The following MTDH variants were observed in gnomAD, a reference collection of about 807,000 sequenced individuals.
MTDH encodes the protein metadherin, also known as protein LYRIC.
In MTDH, 34 loss-of-function variants were observed where a neutral mutation model predicts 72.7. The observed-to-expected ratio is 0.47, with a 90% CI of 0.36 to 0.62. The LOEUF (loss-of-function observed/expected upper bound fraction) is 0.62. Ranked by LOEUF, MTDH falls within the 20% of genes least tolerant of loss-of-function variation. The pLI, the probability that MTDH is intolerant of heterozygous loss-of-function variation, is 0.00. For missense variants in MTDH, 677 were observed against 699.4 expected (o/e 0.97, Z 0.36); for synonymous variants, 266 against 268.9 (o/e 0.99, Z 0.10).
intron 9 of MTDH, among the ~76,000 whole-genome samples, chr8:97,715,362 C>T (rs981359141): frequency 1.2e-4 from 18 of 151,998 alleles, no homozygotes; most frequent in Admixed American, 3.9e-4. Context: ...GATCTGGCCT[C>T]GAGTGATCTT....
chr8:97,684,207 C>T (rs1287948088), intron 2 of MTDH, among the ~76,000 whole-genome samples: 5 of 149,696 alleles, frequency 3.3e-5, no homozygotes, highest in Non-Finnish European at 7.4e-5. Flanking sequence ...TGCCAGATTT[C>T]GAAGACTTAC....
intron 2 of MTDH, among the ~76,000 whole-genome samples, chr8:97,682,600 C>T (rs1813181131): frequency 6.6e-6 from 1 of 151,678 alleles, no homozygotes; most frequent in Non-Finnish European, 1.5e-5. Flanking sequence ...CGCACCTGGC[C>T]TTTTGTTAAT....
chr8:97,645,661 G>C (rs1010913119), intron 1 of MTDH, among the ~76,000 whole-genome samples: 4 of 152,134 alleles, frequency 2.6e-5, no homozygotes, highest in African/African-American at 7.2e-5. Flanking sequence ...GAGGAATTCA[G>C]GCACCGATTT....
In MTDH at chr8:97,719,046, T is replaced by C; in HGVS notation, c.1381-3T>C. 6.3e-7 allele frequency: 1 copy of C among 1,595,704 alleles called. No individual in the cohort carries two copies. Among genetic ancestry groups the C allele is most frequent in the Non-Finnish European group, 8.5e-7 (1 of 1,171,098 alleles). On this transcript the variant is annotated splice_polypyrimidine_tract_variant and splice_region_variant and intron_variant, in intron 9 of 11. Transcript: ENST00000336273. ...TAATCTAATAGGTTATTTTTCTCTATAGGACACAGAAGAATTAGAAAAAGA... is the reference window on the plus strand; with the variant it reads ...TAATCTAATAGGTTATTTTTCTCTACAGGACACAGAAGAATTAGAAAAAGA...
intron 1 of MTDH, 72 bp from the exon 2 acceptor site, chr8:97,661,000 T>C: frequency 1.7e-6 from 2 of 1,204,932 alleles, no homozygotes; most frequent in Non-Finnish European, 2.4e-6. Flanking sequence ...TATATATGGT[T>C]TCCTGCGTAT....
At chr8:97,698,859 T>C in intron 6 of MTDH, among the ~76,000 whole-genome samples, 1 of 152,212 alleles carries the variant, frequency 6.6e-6, no homozygotes, top group East Asian at 1.9e-4. Context: ...TTGAAATTTG[T>C]AGGCAGGGCA....
intron 2 of MTDH, among the ~76,000 whole-genome samples, chr8:97,678,436 AATC>A (rs1432891586): frequency 1.3e-5 from 2 of 152,298 alleles, no homozygotes; most frequent in Non-Finnish European, 2.9e-5. Flanking sequence ...TGAAGGTGAT[AATC>A]ATCTTTTATG....
chr8:97,705,980 T>G (rs1485535002), intron 7 of MTDH, among the ~76,000 whole-genome samples: 1 of 152,210 alleles, frequency 6.6e-6, no homozygotes, highest in Admixed American at 6.5e-5. Context: ...AATTTATTTT[T>G]GATAATAAAT....
chr8:97,644,621 G>A lies in MTDH; in HGVS notation c.115G>A (p.Asp39Asn), dbSNP rs912753616. Residue 39 changes from aspartate to asparagine, a missense_variant, in exon 1 of 12, where the codon GAC becomes AAC. Asp to Asn is a conservative substitution (Grantham distance 23). Around this residue, in one of 3 missense-constraint regions of MTDH, gnomAD observed 467 missense variants for 469.1 expected, o/e 1.00. Transcript: ENST00000336273. The stretch of plus-strand genomic sequence containing the variant: ...CTTTCTGCGCACCGAGCTGGGCCTC[G>A]ACCTGGGGCTGGAGCCGAAACGGTA... The part of the protein sequence containing the change: ...LGFLRTELGL[D>N]LGLEPKRYPG... 9 of 1,609,974 alleles carry A rather than the reference G, an allele frequency of 5.6e-6. No homozygotes were observed. In the African/African-American group the frequency reaches 1.2e-4, roughly 22 times the overall value.
chr8:97,712,450 G>A (rs1005450966), intron 8 of MTDH, among the ~76,000 whole-genome samples: 7 of 152,120 alleles, frequency 4.6e-5, no homozygotes, highest in Non-Finnish European at 1.0e-4. Context: ...ATATTCCATG[G>A]TCTGGATGTA....
rs531166802 is a variant in MTDH at position 97,670,511 on chromosome 8, C to A, written c.483+9338C>A. 4.5e-4 allele frequency among the ~76,000 whole-genome samples: 68 copies of A among 152,194 alleles called. No homozygotes were observed. The South Asian group carries it at 7.7e-3, about 17-fold the overall frequency. On this transcript the variant is annotated intron_variant, in intron 2 of 11. Coordinates refer to ENST00000336273, the MANE Select transcript of MTDH (RefSeq NM_178812.4). ...GTGGCGTGTGCCCGTATAATCCCAGCCACTTGGGAGGCTAAGTCACGAGAA... is the reference window on the plus strand; with the variant it reads ...GTGGCGTGTGCCCGTATAATCCCAGACACTTGGGAGGCTAAGTCACGAGAA...
In MTDH at chr8:97,726,183, CAA is replaced by C. The variant is rs1463497872; in HGVS notation, c.*1514_*1515del. On this transcript the variant is annotated 3_prime_UTR_variant, in exon 12 of 12. Transcript: ENST00000336273. ...CCTTATTAATGGACAGCTTTCCTAA[CAA>C]GAGATTATTAACTTTTATCAGGTGT... 1.3e-5 allele frequency: 2 copies of C among 152,720 alleles called. No homozygotes were observed. The highest frequency in any genetic ancestry group is 4.8e-5 in the African/African-American group (2 of 41,574). The allele number at this position is 152,720 out of a possible 1,614,324, so 9.5% of individuals were successfully genotyped here. A position where few individuals can be genotyped will look rare whatever the true frequency, so the allele number is the denominator to read the frequency against.
intron 10 of MTDH, among the ~76,000 whole-genome samples, chr8:97,720,942 C>T (rs1417135607): frequency 6.6e-6 from 1 of 151,990 alleles, no homozygotes; most frequent in Non-Finnish European, 1.5e-5. Context: ...GCACGAGCCA[C>T]CACGCCCGGC....
chr8:97,716,196 G>A (rs1814863035), intron 9 of MTDH, among the ~76,000 whole-genome samples: 2 of 151,954 alleles, frequency 1.3e-5, no homozygotes, highest in South Asian at 2.1e-4. Flanking sequence ...AGACCAACCT[G>A]ACCAACATGG....
intron 2 of MTDH, among the ~76,000 whole-genome samples, chr8:97,661,553 C>G (rs1050122735): frequency 2.6e-5 from 4 of 152,144 alleles, no homozygotes; most frequent in African/African-American, 9.7e-5. Context: ...AAAACCTTAG[C>G]AAAATCGTTC....
Position 97,708,264 on chromosome 8 carries a change from C to CTT in MTDH, c.1272+1548_1272+1549dup, listed in dbSNP as rs71271145. ...ACAGGCATGAGCCACCATGCCAGGCCTTTTTTTTTTTTTTTTTTTTTTTTT... is the reference window on the plus strand; with the variant it reads ...ACAGGCATGAGCCACCATGCCAGGCCTTTTTTTTTTTTTTTTTTTTTTTTTTT... On this transcript the variant is annotated intron_variant, in intron 8 of 11. Transcript: ENST00000336273. Among the ~76,000 whole-genome samples the CTT allele has an allele frequency of 9.4e-3, 300 of 32,070 alleles. 56 individuals carry two copies. Among genetic ancestry groups the CTT allele is most frequent in the Non-Finnish European group, 0.012 (244 of 19,996 alleles). The allele number at this position is 32,070 out of a possible 152,430, so 21.0% of individuals were successfully genotyped here. A position where few individuals can be genotyped will look rare whatever the true frequency, so the allele number is the denominator to read the frequency against.
intron 2 of MTDH, among the ~76,000 whole-genome samples, chr8:97,668,461 GAAAGA>G (rs1176086786): frequency 1.3e-5 from 2 of 151,864 alleles, no homozygotes; most frequent in Admixed American, 6.6e-5. Context: ...CAAAAAAAAA[GAAAGA>G]AAAGGAAAAA....
At chr8:97,650,688 T>G (rs1811737132) in intron 1 of MTDH, among the ~76,000 whole-genome samples, 1 of 152,186 alleles carries the variant, frequency 6.6e-6, no homozygotes, top group Non-Finnish European at 1.5e-5. Context: ...TAGCATAATG[T>G]TTCGTGTTTA....
At chr8:97,646,990 C>T (rs1380370709) in intron 1 of MTDH, among the ~76,000 whole-genome samples, 2 of 152,126 alleles carry the variant, frequency 1.3e-5, no homozygotes, top group Non-Finnish European at 2.9e-5. Context: ...ATGTTCATGA[C>T]CCACTAAATT....
Sources: allele counts gnomAD v4.1 joint callset (sites outside exome capture counted in the v4.1 genomes callset), GRCh38; gene constraint gnomAD v4.1.1; regional missense constraint gnomAD v4.1.1; transcripts MANE v1.5; gene names NCBI Gene and HGNC (gene_info 2026-07-23, HGNC 2026-07-21).